The following ABCD2 variants were observed in gnomAD, a reference collection of about 807,000 sequenced individuals.
The protein encoded by ABCD2 is ATP-binding cassette sub-family D member 2.
In ABCD2, 36 loss-of-function variants were observed where a neutral mutation model predicts 70.9. The observed-to-expected ratio is 0.51, with a 90% CI of 0.39 to 0.67. The LOEUF is 0.67. Among genes scored for constraint, ABCD2 ranks in the 30% least tolerant of loss-of-function variants. The pLI is 0.00. For synonymous variants in ABCD2, 304 were observed against 306.9 expected (o/e 0.99, Z 0.10); for missense variants, 729 against 890.2 (o/e 0.82, Z 2.30).
chr12:39,587,444 C>A (rs1251393578), intron 6 of ABCD2, among the ~76,000 whole-genome samples: 1 of 152,170 alleles, frequency 6.6e-6, no homozygotes, highest in Non-Finnish European at 1.5e-5. Flanking sequence ...GTCAGCAGCA[C>A]CCCTTCCTGT....
rs1450968024 is a variant in ABCD2 at position 39,617,167 on chromosome 12, A to C, written c.941T>G (p.Val314Gly). The C allele has an allele frequency of 6.4e-7, 1 of 1,565,590 alleles. No individual in the cohort carries two copies. The highest frequency in any genetic ancestry group is 8.6e-7 in the Non-Finnish European group (1 of 1,160,754). Residue 314 changes from valine (V) to glycine (G), a missense_variant and splice_region_variant, in exon 2 of 10, where the codon GTA becomes GGA. Val to Gly is a moderately radical substitution (Grantham distance 109). Around this residue, in one of 3 missense-constraint regions of ABCD2, gnomAD observed 195 missense variants for 300.2 expected, o/e 0.65. Transcript: ENST00000308666. Reference sequence around the variant, plus strand: ...ACTTTTCTGAAGTTGTTTCATTTCTACCTATAGAGAGGAAAAAGAGTTGAG... The same window carrying C: ...ACTTTTCTGAAGTTGTTTCATTTCTCCCTATAGAGAGGAAAAAGAGTTGAG... ...EEIAFYRGHK[V>G]EMKQLQKSYK...
chr12:39,593,891 G>A (rs1012404184), intron 6 of ABCD2, among the ~76,000 whole-genome samples: 3 of 152,036 alleles, frequency 2.0e-5, no homozygotes, highest in African/African-American at 2.4e-5. Flanking sequence ...AAAGAGTAGA[G>A]AATAAAATTT....
intron 9 of ABCD2, among the ~76,000 whole-genome samples, chr12:39,565,474 G>A (rs1031102451): frequency 2.6e-5 from 4 of 152,106 alleles, no homozygotes; most frequent in African/African-American, 4.8e-5. Context: ...TTTGCATATC[G>A]ATTTTGTATC....
At chr12:39,567,458 G>T (rs1174083560) in intron 9 of ABCD2, among the ~76,000 whole-genome samples, 2 of 152,018 alleles carry the variant, frequency 1.3e-5, no homozygotes, top group Non-Finnish European at 2.9e-5. Flanking sequence ...TGCAACCCCT[G>T]CATTTTTTGT....
At chr12:39,582,858 T>C (rs557700583) in intron 7 of ABCD2, among the ~76,000 whole-genome samples, 2 of 151,824 alleles carry the variant, frequency 1.3e-5, no homozygotes, top group African/African-American at 2.4e-5. Flanking sequence ...CATTAGCTAC[T>C]AATTTTTTTT....
At chr12:39,543,289 G>A in the ABCD2 span, among the ~76,000 whole-genome samples, 9 of 152,154 alleles carry the variant, frequency 5.9e-5, no homozygotes, top group African/African-American at 9.7e-5. Flanking sequence ...GGAAGCCAGC[G>A]TGACATTTGG....
At chr12:39,578,959 A>T (rs1442859304) in intron 8 of ABCD2, among the ~76,000 whole-genome samples, 1 of 152,188 alleles carries the variant, frequency 6.6e-6, no homozygotes, top group Non-Finnish European at 1.5e-5. Flanking sequence ...ATTATTTCAA[A>T]CTTAGGATAC....
At chr12:39,588,196 G>T (rs1314839509) in intron 6 of ABCD2, among the ~76,000 whole-genome samples, 1 of 151,988 alleles carries the variant, frequency 6.6e-6, no homozygotes, top group Non-Finnish European at 1.5e-5. Flanking sequence ...TCTACATCTG[G>T]AACAGTCTAA....
intron 2 of ABCD2, among the ~76,000 whole-genome samples, chr12:39,615,130 A>C (rs1337553610): frequency 6.6e-6 from 1 of 151,228 alleles, no homozygotes. Flanking sequence ...TTTACTTCTT[A>C]CTGGTCTCTG....
chr12:39,541,282 T>C, the ABCD2 span, among the ~76,000 whole-genome samples: 2 of 152,172 alleles, frequency 1.3e-5, no homozygotes, highest in Admixed American at 6.5e-5. Flanking sequence ...AGTGCTGTTA[T>C]GAGAATTAAA....
At chr12:39,538,171 CTTT>C in the ABCD2 span, among the ~76,000 whole-genome samples, 5 of 139,680 alleles carry the variant, frequency 3.6e-5, no homozygotes, top group Non-Finnish European at 4.7e-5. Context: ...TTCTTTCTTT[CTTT>C]TTTTTTTTTT....
intron 2 of ABCD2, among the ~76,000 whole-genome samples, chr12:39,614,291 A>G (rs1185002753): frequency 6.6e-6 from 1 of 152,230 alleles, no homozygotes; most frequent in African/African-American, 2.4e-5. Context: ...TACTTAGCCA[A>G]GGACTGTTTC....
chr12:39,577,904 C>A (rs1941540943), intron 8 of ABCD2, among the ~76,000 whole-genome samples: 1 of 152,054 alleles, frequency 6.6e-6, no homozygotes, highest in South Asian at 2.1e-4. Context: ...CTTACAATTT[C>A]TCTTTTTTGA....
chr12:39,616,390 C>G (rs1461790931), intron 2 of ABCD2, among the ~76,000 whole-genome samples: 2 of 152,060 alleles, frequency 1.3e-5, no homozygotes. Flanking sequence ...AATTAGCCAG[C>G]TGCAGCTTGA....
At chr12:39,534,043 G>GT in the ABCD2 span, among the ~76,000 whole-genome samples, 65 of 151,474 alleles carry the variant, frequency 4.3e-4, no homozygotes, top group South Asian at 1.5e-3. Flanking sequence ...TAGTATTACT[G>GT]TTTTTTTTTC....
At chr12:39,600,157 C>T (rs1200320039) in intron 6 of ABCD2, among the ~76,000 whole-genome samples, 1 of 152,010 alleles carries the variant, frequency 6.6e-6, no homozygotes, top group Non-Finnish European at 1.5e-5. Context: ...TTTATGGATC[C>T]TCAAATATAA....
chr12:39,591,486 T>G (rs1262620909), intron 6 of ABCD2, among the ~76,000 whole-genome samples: 1 of 151,910 alleles, frequency 6.6e-6, no homozygotes, highest in Non-Finnish European at 1.5e-5. Context: ...CCAAGCTGGG[T>G]GAATCACCTG....
chr12:39,586,023 C>T, intron 7 of ABCD2, 129 bp downstream of exon 7: 1 of 794,046 alleles, frequency 1.3e-6, no homozygotes, highest in South Asian at 2.8e-5. Context: ...AATAAAACTC[C>T]ATCTTTACAC....
chr12:39,572,032 G>A (rs185688291), intron 9 of ABCD2, among the ~76,000 whole-genome samples: 142 of 152,236 alleles, frequency 9.3e-4, no homozygotes, highest in African/African-American at 3.0e-3. Flanking sequence ...GTTTTGTTTT[G>A]TGGAGAAATG....
Sources: gnomAD v4.1 joint callset for allele counts (sites outside exome capture counted in the v4.1 genomes callset) on GRCh38, gnomAD v4.1.1 for gene constraint, gnomAD v4.1.1 regional missense constraint, MANE v1.5 for transcripts, NCBI Gene and HGNC (gene_info 2026-07-23, HGNC 2026-07-21) for gene names.